EPHA5: variants seen among roughly 807,000 people sequenced by gnomAD.
The protein encoded by EPHA5 is ephrin type-A receptor 5.
Under a neutral mutation model 105.0 loss-of-function variants are expected in EPHA5, and 60 were observed. That is an observed-to-expected ratio of 0.57 (90% CI 0.46 to 0.71). The LOEUF (loss-of-function observed/expected upper bound fraction) is 0.71. Among genes scored for constraint, EPHA5 ranks in the 30% least tolerant of loss-of-function variants. EPHA5 has a pLI of 0.00. For synonymous variants in EPHA5, 513 were observed against 449.1 expected (o/e 1.14, Z -1.80); for missense variants, 1,218 against 1,274.7 (o/e 0.96, Z 0.68).
At chr4:65,598,762 G>T (rs1181810137) in intron 3 of EPHA5, among the ~76,000 whole-genome samples, 1 of 152,060 alleles carries the variant, frequency 6.6e-6, no homozygotes, top group African/African-American at 2.4e-5. Context: ...CCATGCAAGA[G>T]AACATATTCT....
intron 3 of EPHA5, among the ~76,000 whole-genome samples, chr4:65,555,015 A>G (rs1281826987): frequency 3.7e-5 from 5 of 135,266 alleles, no homozygotes; most frequent in Non-Finnish European, 6.4e-5. Flanking sequence ...AAAAAAAAGT[A>G]CATGTTTTTG....
intron 16 of EPHA5, among the ~76,000 whole-genome samples, chr4:65,327,544 T>C (rs991065448): frequency 2.0e-5 from 3 of 151,212 alleles, no homozygotes; most frequent in Non-Finnish European, 4.4e-5. Flanking sequence ...ATCTGACCTA[T>C]CATTTCAAAA....
intron 5 of EPHA5, among the ~76,000 whole-genome samples, chr4:65,433,491 T>C (rs1449751558): frequency 6.6e-6 from 1 of 152,220 alleles, no homozygotes; most frequent in African/African-American, 2.4e-5. Context: ...CTCTTGATTC[T>C]ATTCACCCAG....
In EPHA5 at chr4:65,335,941, G is replaced by A. The variant is rs2148812434; in HGVS notation, c.2780C>T (p.Ala927Val). The A allele has an allele frequency of 1.9e-6, 3 of 1,609,672 alleles. No individual in the cohort carries two copies. Among genetic ancestry groups the A allele is most frequent in the Non-Finnish European group, 2.5e-6 (3 of 1,177,640 alleles). Residue 927 changes from alanine (A) to valine (V), a missense_variant, in exon 15 of 17, where the codon GCA (alanine) becomes GTA (valine). Ala to Val is a moderately conservative substitution (Grantham distance 64, BLOSUM62 0). Transcript: ENST00000613740. ...GGATCTGGCCTTGTACCTGCAGGAT[G>A]CATTAACCAGCGTCTTCAGACTACT... Reference protein sequence around the residue: ...NPSSLKTLVNASCRVSNLLAE... With the variant: ...NPSSLKTLVNVSCRVSNLLAE...
intron 2 of EPHA5, among the ~76,000 whole-genome samples, chr4:65,622,078 G>T (rs1456528606): frequency 6.6e-6 from 1 of 152,070 alleles, no homozygotes; most frequent in Non-Finnish European, 1.5e-5. Context: ...AAATTATTTA[G>T]TCAGGCCCAA....
chr4:65,453,222 A>T (rs991420616), intron 5 of EPHA5, among the ~76,000 whole-genome samples: 8 of 152,236 alleles, frequency 5.3e-5, no homozygotes. Flanking sequence ...GTTTATGTGT[A>T]GAAATTATAA....
chr4:65,437,581 C>T (rs1289275084), intron 5 of EPHA5, among the ~76,000 whole-genome samples: 1 of 151,886 alleles, frequency 6.6e-6, no homozygotes, highest in Non-Finnish European at 1.5e-5. Flanking sequence ...GACTGACCAA[C>T]ACTTCTGATG....
intron 3 of EPHA5, among the ~76,000 whole-genome samples, chr4:65,557,811 C>A (rs1468757401): frequency 6.6e-6 from 1 of 151,704 alleles, no homozygotes; most frequent in Non-Finnish European, 1.5e-5. Flanking sequence ...AACGAAAATG[C>A]AAAACAATAG....
intron 14 of EPHA5, among the ~76,000 whole-genome samples, chr4:65,336,530 G>A (rs1229315135): frequency 6.6e-6 from 1 of 152,034 alleles, no homozygotes; most frequent in Non-Finnish European, 1.5e-5. Flanking sequence ...GAAAAACTAT[G>A]TGCACAGCCA....
At chr4:65,585,966 C>A (rs1311215675) in intron 3 of EPHA5, among the ~76,000 whole-genome samples, 1 of 150,750 alleles carries the variant, frequency 6.6e-6, no homozygotes, top group Non-Finnish European at 1.5e-5. Context: ...CAAAAGTTAT[C>A]ATTTCTGGAA....
intron 5 of EPHA5, among the ~76,000 whole-genome samples, chr4:65,445,501 T>C (rs764436658): frequency 1.8e-4 from 28 of 152,136 alleles, no homozygotes; most frequent in Non-Finnish European, 3.7e-4. Context: ...AGTTTCGTAG[T>C]AATGAAGATG....
intron 7 of EPHA5, among the ~76,000 whole-genome samples, chr4:65,406,077 C>A (rs1342629371): frequency 6.6e-6 from 1 of 152,080 alleles, no homozygotes; most frequent in African/African-American, 2.4e-5. Context: ...GTGTATTAAT[C>A]CATTCCCACT....
At chr4:65,592,019 T>TC (rs1413514131) in intron 3 of EPHA5, among the ~76,000 whole-genome samples, 1 of 151,674 alleles carries the variant, frequency 6.6e-6, no homozygotes, top group Non-Finnish European at 1.5e-5. Context: ...TCCACAGTAA[T>TC]TTTTTTTAAA....
intron 7 of EPHA5, among the ~76,000 whole-genome samples, chr4:65,411,120 A>G (rs1004561637): frequency 6.6e-6 from 1 of 152,054 alleles, no homozygotes; most frequent in Non-Finnish European, 1.5e-5. Flanking sequence ...ATTTTTATGC[A>G]TGATAAAATT....
intron 3 of EPHA5, among the ~76,000 whole-genome samples, chr4:65,498,317 G>A (rs564702588): frequency 5.9e-5 from 9 of 151,962 alleles, no homozygotes; most frequent in South Asian, 2.1e-4. Flanking sequence ...GGCAAAGGGA[G>A]GTCATTGGAA....
rs528622011 is a variant in EPHA5 at position 65,550,032 on chromosome 4, A to T, written c.910+51609T>A. Among the ~76,000 whole-genome samples, 3 of 152,244 alleles carry T rather than the reference A, an allele frequency of 2.0e-5. No individual in the cohort carries two copies. The East Asian group carries it at 5.8e-4, about 29-fold the overall frequency. On this transcript the variant is annotated intron_variant, in intron 3 of 16. Coordinates refer to ENST00000613740, the MANE Select transcript of EPHA5 (RefSeq NM_001281766.3). The stretch of plus-strand genomic sequence containing the variant: ...TTAATATTCTTTTGTAAATGACATC[A>T]TGTTAAAACATTTGACATTTGAAAC...
chr4:65,497,570 T>C, intron 3 of EPHA5, among the ~76,000 whole-genome samples: 1 of 152,110 alleles, frequency 6.6e-6, no homozygotes, highest in Non-Finnish European at 1.5e-5. Context: ...TTTCTTCTTT[T>C]ATCCTTTTAG....
chr4:65,364,331 C>T (rs992689933), intron 11 of EPHA5, among the ~76,000 whole-genome samples: 1 of 151,482 alleles, frequency 6.6e-6, no homozygotes, highest in African/African-American at 2.4e-5. Context: ...AAAATGAAGG[C>T]CTCAGCTATG....
intron 5 of EPHA5, among the ~76,000 whole-genome samples, chr4:65,452,565 A>G (rs570305998): frequency 7.1e-6 from 1 of 140,378 alleles, no homozygotes; most frequent in South Asian, 2.3e-4. Context: ...TAAATTAGCT[A>G]GCTCAGCTAA....
Sources: allele counts gnomAD v4.1 joint callset (sites outside exome capture counted in the v4.1 genomes callset), GRCh38; gene constraint gnomAD v4.1.1; transcripts MANE v1.5; gene names NCBI Gene and HGNC (gene_info 2026-07-23, HGNC 2026-07-21).